Variants in FHAD1 observed in about 807,000 individuals in gnomAD.
FHAD1 encodes forkhead-associated domain-containing protein 1.
FHAD1 carries 146 observed loss-of-function variants against 191.3 expected under a neutral mutation model. The observed-to-expected ratio is 0.76, with a 90% CI of 0.67 to 0.88. FHAD1 has a LOEUF of 0.88. Among genes scored for constraint, FHAD1 ranks in the 40% least tolerant of loss-of-function variants. The pLI, the probability that FHAD1 is intolerant of heterozygous loss-of-function variation, is 0.00. For synonymous variants in FHAD1, 616 were observed against 672.3 expected (o/e 0.92, Z 1.29); for missense variants, 1,635 against 1,785.8 (o/e 0.92, Z 1.52).
chr1:15,300,490 G>A (rs920236600), intron 5 of FHAD1, among the ~76,000 whole-genome samples: 7 of 152,324 alleles, frequency 4.6e-5, no homozygotes, highest in African/African-American at 1.7e-4. Context: ...CCCCATTATA[G>A]TCAGAATGTG....
chr1:15,369,889 C>T (rs1259216831), intron 26 of FHAD1, among the ~76,000 whole-genome samples: 1 of 152,220 alleles, frequency 6.6e-6, no homozygotes, highest in Non-Finnish European at 1.5e-5. Context: ...TGACCACCCC[C>T]ACCTTATGGG....
chr1:15,303,682 C>G (rs1669529947), intron 6 of FHAD1, among the ~76,000 whole-genome samples: 1 of 152,090 alleles, frequency 6.6e-6, no homozygotes, highest in Non-Finnish European at 1.5e-5. Context: ...AAACCCGTCT[C>G]TACTAAAAAT....
At position 15,349,161 on chromosome 1, in the gene FHAD1, A is replaced by C; in HGVS notation, c.2454+12A>C. The C allele has an allele frequency of 6.5e-7, 1 of 1,531,062 alleles. No individual in the cohort carries two copies. The highest frequency in any genetic ancestry group is 8.9e-7 in the Non-Finnish European group (1 of 1,128,350). The allele number at this position is 1,531,062 out of a possible 1,614,324, so 94.8% of individuals were successfully genotyped here. A position where few individuals can be genotyped will look rare whatever the true frequency, so the allele number is the denominator to read the frequency against. On this transcript the variant is annotated intron_variant, in intron 19 of 33. Coordinates refer to ENST00000688493, the MANE Select transcript of FHAD1 (RefSeq NM_001391957.1). ...CCCAACAGAAGGAGGTATGAGCAGC[A>C]GCAGGAAAGAATCCTCTGGAAGGAA...
chr1:15,352,896 C>A lies in FHAD1; in HGVS notation c.2474C>A (p.Ala825Glu), dbSNP rs1048002428. 1.4e-5 allele frequency: 22 copies of A among 1,551,158 alleles called. No homozygotes were observed. The African/African-American group carries it at 1.5e-4, about 11-fold the overall frequency. ...TTCCAGATCTCAGAGAGCAACATTG[C>A]GTACGAGAAACGCAAAGCAAAGGAG... is the stretch of plus-strand genomic sequence containing the variant. The part of the protein sequence containing the change: ...QQKEISESNI[A>E]YEKRKAKEAM... The change falls in exon 20 of 34, where the codon GCG becomes GAG. Residue 825 changes from alanine to glutamate, a missense_variant. By Grantham distance (107) the Ala-to-Glu change is moderately radical. Transcript: ENST00000688493.
At chr1:15,391,585 C>T (rs972769941) in intron 33 of FHAD1, among the ~76,000 whole-genome samples, 1 of 152,178 alleles carries the variant, frequency 6.6e-6, no homozygotes. Flanking sequence ...TGATCCAATC[C>T]ACACTCCTGC....
At chr1:15,358,361 G>C in intron 21 of FHAD1, 78 bp downstream of exon 21, 1 of 1,413,204 alleles carries the variant, frequency 7.1e-7, no homozygotes, top group Non-Finnish European at 9.5e-7. Flanking sequence ...GTGTGGTTTA[G>C]ACCGGGGCTT....
At chr1:15,294,605 C>A (rs1484099036) in intron 4 of FHAD1, among the ~76,000 whole-genome samples, 2 of 152,164 alleles carry the variant, frequency 1.3e-5, no homozygotes, top group African/African-American at 4.8e-5. Context: ...GTTGGCCAGG[C>A]TGGTCTCGAA....
chr1:15,324,695 G>A (rs111277080), intron 11 of FHAD1, 136 bp downstream of exon 11: 6 of 672,366 alleles, frequency 8.9e-6, no homozygotes, highest in African/African-American at 5.4e-5. Flanking sequence ...TATCTCATGA[G>A]CAGAGGCTGT....
In FHAD1 at chr1:15,313,080, G is replaced by C. The variant is rs767533354; in HGVS notation, c.1063G>C (p.Asp355His). The C allele has an allele frequency of 1.2e-5, 18 of 1,551,622 alleles. No individual in the cohort carries two copies. In the African/African-American group the frequency reaches 1.8e-4, roughly 15 times the overall value. Residue 355 changes from aspartate (D) to histidine (H), a missense_variant, in exon 8 of 34, where the codon GAC becomes CAC. Asp to His is a moderately conservative substitution (Grantham distance 81). Coordinates refer to ENST00000688493, the MANE Select transcript of FHAD1 (RefSeq NM_001391957.1). ...AGGGATGGTGTCATCTTTGCAAAAAGACATATTAGCAAAGGATGAGCAAGT... is the reference window on the plus strand; with the variant it reads ...AGGGATGGTGTCATCTTTGCAAAAACACATATTAGCAAAGGATGAGCAAGT... ...TSGMVSSLQKDILAKDEQVQQ... is the reference protein window; with the variant it reads ...TSGMVSSLQKHILAKDEQVQQ...
At chr1:15,297,453 T>G (rs753332056) in intron 5 of FHAD1, among the ~76,000 whole-genome samples, 67 of 152,324 alleles carry the variant, frequency 4.4e-4, no homozygotes, top group Middle Eastern at 3.4e-3. Context: ...GGGCCTGACC[T>G]TGCAGCCATT....
At chr1:15,387,244 T>C (rs6681278) in intron 31 of FHAD1, among the ~76,000 whole-genome samples, 58,077 of 151,962 alleles carry the variant, frequency 0.38, 14,270 homozygotes, top group African/African-American at 0.7. Context: ...ATTTAACTCA[T>C]TATTTCCCAA....
chr1:15,349,198 G>C, intron 19 of FHAD1, 49 bp downstream of exon 19: 1 of 1,372,960 alleles, frequency 7.3e-7, no homozygotes, highest in Non-Finnish European at 1.0e-6. Flanking sequence ...TACAAAGCCA[G>C]ATCCCTGGGA....
rs531252840 is a variant in FHAD1 at position 15,264,081 on chromosome 1, C to A, written c.94-8242C>A. Among the ~76,000 whole-genome samples, 6 of 152,204 alleles carry A rather than the reference C, an allele frequency of 3.9e-5. No homozygotes were observed. In the South Asian group the frequency reaches 1.2e-3, roughly 32 times the overall value. ...AGGAAGTATGACACTTCCAACTGTTCTTCTTTTTCAAGATTGTTTTGGCTC... is the reference window on the plus strand; with the variant it reads ...AGGAAGTATGACACTTCCAACTGTTATTCTTTTTCAAGATTGTTTTGGCTC... On this transcript the variant is annotated intron_variant, in intron 2 of 33. Transcript: ENST00000688493.
At chr1:15,293,696 C>T (rs559755867) in intron 4 of FHAD1, among the ~76,000 whole-genome samples, 10 of 152,096 alleles carry the variant, frequency 6.6e-5, no homozygotes, top group South Asian at 6.2e-4. Flanking sequence ...CCAGCCTGGG[C>T]GGACAGAGCA....
chr1:15,309,358 GGA>G (rs892005921), intron 7 of FHAD1, among the ~76,000 whole-genome samples: 5 of 152,202 alleles, frequency 3.3e-5, no homozygotes, highest in African/African-American at 7.2e-5. Flanking sequence ...TAGGCACTGG[GGA>G]GAGAGAGCCC....
intron 16 of FHAD1, chr1:15,343,628 G>A (rs960661220): frequency 2.6e-5 from 4 of 152,100 alleles, no homozygotes; most frequent in African/African-American, 9.7e-5. Context: ...GATTAAAAAA[G>A]AAGAGCCATC....
chr1:15,301,471 C>T (rs1354748994), intron 6 of FHAD1, 30 bp downstream of exon 6: 1 of 1,544,206 alleles, frequency 6.5e-7, no homozygotes, highest in Non-Finnish European at 8.8e-7. Flanking sequence ...TACAGCACAG[C>T]TCTCAGGCCA....
At chr1:15,395,365 C>G (rs1411011705) in intron 33 of FHAD1, among the ~76,000 whole-genome samples, 1 of 151,714 alleles carries the variant, frequency 6.6e-6, no homozygotes, top group Non-Finnish European at 1.5e-5. Flanking sequence ...GGCATCGTCT[C>G]TCTCGTGCAT....
intron 18 of FHAD1, among the ~76,000 whole-genome samples, chr1:15,348,296 G>A (rs1057025114): frequency 4.9e-4 from 74 of 152,196 alleles, no homozygotes; most frequent in African/African-American, 1.6e-3. Context: ...CATGTTCCAA[G>A]TTCTAAATGC....
Sources: gnomAD v4.1 joint callset for allele counts (sites outside exome capture counted in the v4.1 genomes callset) on GRCh38, gnomAD v4.1.1 for gene constraint, MANE v1.5 for transcripts, NCBI Gene and HGNC (gene_info 2026-07-23, HGNC 2026-07-21) for gene names.